MAP2K4: variants seen among roughly 807,000 people sequenced by gnomAD.
MAP2K4 encodes the protein mitogen-activated protein kinase kinase 4.
MAP2K4 carries 4 observed loss-of-function variants against 48.5 expected under a neutral mutation model. The observed-to-expected ratio is 0.08, with a 90% confidence interval of 0.04 to 0.19. MAP2K4 has a LOEUF of 0.19. Ranked by LOEUF, MAP2K4 falls within the 10% of genes least tolerant of loss-of-function variation. MAP2K4 has a pLI of 1.00. For synonymous variants in MAP2K4, 166 were observed against 173.1 expected (o/e 0.96, Z 0.32); for missense variants, 258 against 493.3 (o/e 0.52, Z 4.52).
At chr17:12,055,029 A>G in intron 2 of MAP2K4, 38 bp downstream of exon 2, 1 of 1,280,550 alleles carries the variant, frequency 7.8e-7, no homozygotes, top group South Asian at 1.3e-5. Flanking sequence ...AACTCAAGCA[A>G]AGATTTTAAA....
Position 12,125,322 on chromosome 17 carries a change from G to C in MAP2K4, c.842G>C (p.Arg281Pro), listed in dbSNP as rs2151587724. Reference sequence around the variant, plus strand: ...GAAAGAATAGACCCAAGCGCATCACGACAAGGATATGATGTCCGCTCTGAT... The same window carrying C: ...GAAAGAATAGACCCAAGCGCATCACCACAAGGATATGATGTCCGCTCTGAT... ...APERIDPSAS[R>P]QGYDVRSDVW... The change falls in exon 8 of 11, where the codon CGA (arginine) becomes CCA (proline). Residue 281 changes from arginine to proline, a missense_variant. This residue lies in a region of MAP2K4 where 132 missense variants were observed against 352.8 expected (regional missense o/e 0.37). Transcript: ENST00000353533. 6.2e-7 allele frequency: 1 copy of C among 1,613,960 alleles called. No homozygotes were observed. The highest frequency in any genetic ancestry group is 8.5e-7 in the Non-Finnish European group (1 of 1,179,964).
chr17:12,055,073 G>T, intron 2 of MAP2K4, 82 bp downstream of exon 2: 1 of 799,190 alleles, frequency 1.3e-6, no homozygotes, highest in South Asian at 1.8e-5. Flanking sequence ...CCAATTATGA[G>T]ATGTCAGTAT....
chr17:12,050,030 TATGGTG>T (rs1380765304), intron 1 of MAP2K4, among the ~76,000 whole-genome samples: 1 of 152,208 alleles, frequency 6.6e-6, no homozygotes, highest in Non-Finnish European at 1.5e-5. Context: ...GGCTATCAAA[TATGGTG>T]ATATCAGTGG....
chr17:12,074,160 C>T (rs745522375), intron 2 of MAP2K4, among the ~76,000 whole-genome samples: 3 of 152,038 alleles, frequency 2.0e-5, no homozygotes, highest in Admixed American at 6.6e-5. Flanking sequence ...TCCATCCTTT[C>T]GTTTTTTTAA....
In MAP2K4 at chr17:12,142,410, A is replaced by C; in HGVS notation, c.*1150A>C. ...TATTGTCGCTATGTGACTTGCGCTT[A>C]ATCCAATATTTTGCCTTTTTTCTAT... On this transcript the variant is annotated 3_prime_UTR_variant, in exon 11 of 11. Coordinates refer to ENST00000353533, the MANE Select transcript of MAP2K4 (RefSeq NM_003010.4). 1 of 233,176 alleles carries C rather than the reference A, an allele frequency of 4.3e-6. No homozygotes were observed. Among genetic ancestry groups the C allele is most frequent in the East Asian group, 6.0e-5 (1 of 16,572 alleles). 14.4% of individuals were successfully genotyped at this position (233,176 alleles called of 1,614,324 possible). A position where few individuals can be genotyped will look rare whatever the true frequency, so the allele number is the denominator to read the frequency against.
intron 1 of MAP2K4, among the ~76,000 whole-genome samples, chr17:12,031,909 C>A (rs559812405): frequency 6.6e-6 from 1 of 152,240 alleles, no homozygotes; most frequent in South Asian, 2.1e-4. Context: ...TTAAGTAACT[C>A]ATTCTGTATT....
chr17:12,097,727 T>C (rs1971806166), intron 4 of MAP2K4, among the ~76,000 whole-genome samples: 2 of 152,218 alleles, frequency 1.3e-5, no homozygotes, highest in East Asian at 3.8e-4. Flanking sequence ...GAAAATGAAA[T>C]TTAGTGTGTT....
chr17:12,108,276 A>G (rs1160397875), intron 5 of MAP2K4, among the ~76,000 whole-genome samples: 3 of 152,150 alleles, frequency 2.0e-5, no homozygotes, highest in Admixed American at 2.0e-4. Context: ...TTGAAGCCCC[A>G]TAATTGAAGC....
At chr17:12,075,737 C>A (rs1283220270) in intron 2 of MAP2K4, among the ~76,000 whole-genome samples, 1 of 152,152 alleles carries the variant, frequency 6.6e-6, no homozygotes, top group Non-Finnish European at 1.5e-5. Flanking sequence ...CACCTTTTGG[C>A]TGATAGTACT....
In MAP2K4 at chr17:12,021,010, C is replaced by T. The variant is rs1969014293; in HGVS notation, c.115+9C>T. 4 of 1,204,706 alleles carry T rather than the reference C, an allele frequency of 3.3e-6. No individual in the cohort carries two copies. The highest frequency in any genetic ancestry group is 6.8e-5 in the East Asian group (2 of 29,626). The allele number at this position is 1,204,706 out of a possible 1,614,324, so 74.6% of individuals were successfully genotyped here. A position where few individuals can be genotyped will look rare whatever the true frequency, so the allele number is the denominator to read the frequency against. ...CGTCAGCAGCATGCAGGGTAAGGAACGCGGCCGCGCCGAGATCCCAGCCCC... is the reference window on the plus strand; with the variant it reads ...CGTCAGCAGCATGCAGGGTAAGGAATGCGGCCGCGCCGAGATCCCAGCCCC... On this transcript the variant is annotated intron_variant, in intron 1 of 10. Transcript: ENST00000353533.
chr17:12,071,737 C>G (rs1471484201), intron 2 of MAP2K4, among the ~76,000 whole-genome samples: 1 of 152,006 alleles, frequency 6.6e-6, no homozygotes, highest in African/African-American at 2.4e-5. Context: ...ACTTAATAAG[C>G]AAGTAGAGGA....
At chr17:12,084,740 A>G (rs1327005314) in intron 3 of MAP2K4, among the ~76,000 whole-genome samples, 1 of 152,146 alleles carries the variant, frequency 6.6e-6, no homozygotes, top group East Asian at 1.9e-4. Flanking sequence ...GATGAGGAGT[A>G]CCTCATCTAT....
chr17:12,095,925 G>A (rs1482633382), intron 4 of MAP2K4, among the ~76,000 whole-genome samples: 3 of 144,614 alleles, frequency 2.1e-5, no homozygotes, highest in African/African-American at 7.5e-5. Flanking sequence ...GTGTGTGTGT[G>A]TGTATTTTAG....
At chr17:12,041,358 G>A (rs1298504273) in intron 1 of MAP2K4, among the ~76,000 whole-genome samples, 1 of 152,188 alleles carries the variant, frequency 6.6e-6, no homozygotes, top group Non-Finnish European at 1.5e-5. Context: ...TGCTTTTGTA[G>A]TGACATAGTT....
At chr17:12,096,643 A>G (rs888359970) in intron 4 of MAP2K4, among the ~76,000 whole-genome samples, 3 of 152,138 alleles carry the variant, frequency 2.0e-5, no homozygotes, top group Non-Finnish European at 4.4e-5. Flanking sequence ...TCTTTTTGGG[A>G]TGGGATTATA....
chr17:12,125,314 C>T lies in MAP2K4; in HGVS notation c.834C>T (p.Ser278=), dbSNP rs764270234. 32 of 1,613,708 alleles carry T rather than the reference C, an allele frequency of 2.0e-5. No individual in the cohort carries two copies. Among genetic ancestry groups the T allele is most frequent in the Admixed American group, 8.3e-5 (5 of 59,982 alleles). The part of the protein sequence containing the change: ...PYMAPERIDP[S]ASRQGYDVRS... Reference sequence around the variant, plus strand: ...TCCAGCCTGAAAGAATAGACCCAAGCGCATCACGACAAGGATATGATGTCC... The same window carrying T: ...TCCAGCCTGAAAGAATAGACCCAAGTGCATCACGACAAGGATATGATGTCC... The change falls in exon 8 of 11, where the codon AGC becomes AGT. Residue 278 remains serine, a synonymous_variant. Transcript: ENST00000353533.
chr17:12,139,780 G>C, intron 9 of MAP2K4, 59 bp from the exon 10 acceptor site: 4 of 1,243,818 alleles, frequency 3.2e-6, no homozygotes, highest in Non-Finnish European at 4.6e-6. Context: ...TCTGTGAAAA[G>C]AAAAATACTT....
chr17:12,056,414 T>C (rs1970284158), intron 2 of MAP2K4, among the ~76,000 whole-genome samples: 1 of 152,078 alleles, frequency 6.6e-6, no homozygotes, highest in South Asian at 2.1e-4. Flanking sequence ...GAAAAAAACT[T>C]TCTTCCAAAG....
chr17:12,027,556 C>A (rs548711902), intron 1 of MAP2K4, among the ~76,000 whole-genome samples: 1 of 152,146 alleles, frequency 6.6e-6, no homozygotes, highest in East Asian at 1.9e-4. Flanking sequence ...TGTTACCAGA[C>A]ATATATATCT....
Sources: allele counts gnomAD v4.1 joint callset (sites outside exome capture counted in the v4.1 genomes callset), GRCh38; gene constraint gnomAD v4.1.1; regional missense constraint gnomAD v4.1.1; transcripts MANE v1.5; gene names NCBI Gene and HGNC (gene_info 2026-07-23, HGNC 2026-07-21).